IL1RAPL1: variants seen among roughly 807,000 people sequenced by gnomAD.
IL1RAPL1 encodes the protein interleukin 1 receptor accessory protein like 1.
In IL1RAPL1, 3 loss-of-function variants were observed where a neutral mutation model predicts 48.4. The observed-to-expected ratio is 0.06, with a 90% CI of 0.03 to 0.16. IL1RAPL1 has a LOEUF of 0.16. IL1RAPL1 is among the 10% of genes least tolerant of loss of function. The pLI is 1.00. For missense variants in IL1RAPL1, 349 were observed against 530.6 expected, an observed-to-expected ratio of 0.66 and a Z score of 3.36; for synonymous variants, 185 against 187.7, an observed-to-expected ratio of 0.99 and a Z score of 0.12.
At chrX:28,965,251 T>C (rs1432025705) in intron 2 of IL1RAPL1, among the ~76,000 whole-genome samples, 3 of 111,544 alleles carry the variant, frequency 2.7e-5, no homozygotes, top group African/African-American at 9.7e-5. Context: ...TTAATGTGCA[T>C]ATGAGTAAGT....
chrX:28,759,179 A>G (rs1250742636), intron 1 of IL1RAPL1, among the ~76,000 whole-genome samples: 1 of 110,759 alleles, frequency 9.0e-6, no homozygotes, highest in Non-Finnish European at 1.9e-5. Context: ...CGGAAGTTGC[A>G]GTGAGGTGAG....
At position 29,372,158 on chromosome X, in the gene IL1RAPL1, G is replaced by T. The variant is rs190601133; in HGVS notation, c.363-24100G>T. Among the ~76,000 whole-genome samples, 689 of 112,067 alleles carry T rather than the reference G, an allele frequency of 6.1e-3. 5 individuals are homozygous for T. The highest frequency in any genetic ancestry group is 0.021 in the African/African-American group (660 of 30,840). ...TGGTATTTCATTGTGGCTTTGATTT[G>T]CATTTCTCTGATAATTAGTGATGAT... is the stretch of plus-strand genomic sequence containing the variant. On this transcript the variant is annotated intron_variant, in intron 3 of 10. Transcript: ENST00000378993.
chrX:29,707,940 T>TAATAAAATAA lies in IL1RAPL1; in HGVS notation c.778+39458_778+39467dup, dbSNP rs200789169. On this transcript the variant is annotated intron_variant, in intron 6 of 10. Coordinates refer to ENST00000378993, the MANE Select transcript of IL1RAPL1 (RefSeq NM_014271.4). ...CCTGTTCCCCAGAAACCTATTGAAA[T>TAATAAAATAA]AATAAAATAAAATAAAATAAAATAA... 3.8e-4 allele frequency among the ~76,000 whole-genome samples: 41 copies of TAATAAAATAA among 107,950 alleles called. 1 individual carries two copies. The East Asian group carries it at 0.011, about 28-fold the overall frequency. The allele number at this position is 107,950 out of a possible 115,157, so 93.7% of individuals were successfully genotyped here.
chrX:28,805,477 C>T (rs1936720155), intron 2 of IL1RAPL1, among the ~76,000 whole-genome samples: 1 of 111,374 alleles, frequency 9.0e-6, no homozygotes, highest in African/African-American at 3.3e-5. Context: ...ATGTCTTCTA[C>T]CCTTGTGCCT....
chrX:29,694,128 A>G (rs1926847770), intron 6 of IL1RAPL1, among the ~76,000 whole-genome samples: 1 of 111,785 alleles, frequency 8.9e-6, no homozygotes, highest in African/African-American at 3.2e-5. Context: ...CTGTTGTGTC[A>G]TCTCTTTGGT....
At chrX:28,921,643 A>G (rs1201917615) in intron 2 of IL1RAPL1, among the ~76,000 whole-genome samples, 1 of 111,961 alleles carries the variant, frequency 8.9e-6, no homozygotes, top group Non-Finnish European at 1.9e-5. Context: ...GTTGGGGGAA[A>G]GAGGAAGTGA....
intron 5 of IL1RAPL1, among the ~76,000 whole-genome samples, chrX:29,486,820 A>C (rs1935102054): frequency 9.0e-6 from 1 of 110,695 alleles, no homozygotes; most frequent in Admixed American, 9.6e-5. Context: ...AATCTCATGA[A>C]ATTTTTAGAA....
chrX:29,537,936 C>G (rs1438360339), intron 5 of IL1RAPL1, among the ~76,000 whole-genome samples: 1 of 111,394 alleles, frequency 9.0e-6, no homozygotes, highest in Non-Finnish European at 1.9e-5. Flanking sequence ...AACATGTAAA[C>G]TGACCATTAA....
chrX:29,001,086 C>A (rs376827351), intron 2 of IL1RAPL1, among the ~76,000 whole-genome samples: 1 of 111,063 alleles, frequency 9.0e-6, no homozygotes, highest in Non-Finnish European at 1.9e-5. Context: ...CATTTATCTT[C>A]ATTTACCCTG....
At chrX:29,678,858 A>G (rs1166225611) in intron 6 of IL1RAPL1, among the ~76,000 whole-genome samples, 1 of 110,622 alleles carries the variant, frequency 9.0e-6, no homozygotes, top group Non-Finnish European at 1.9e-5. Context: ...GATACCTCCC[A>G]CCGCTAGATC....
At chrX:29,876,191 C>T (rs1476358116) in intron 6 of IL1RAPL1, among the ~76,000 whole-genome samples, 1 of 110,857 alleles carries the variant, frequency 9.0e-6, no homozygotes, top group Non-Finnish European at 1.9e-5. Context: ...AGTTTGTATG[C>T]CAAAAAAAAT....
At chrX:28,773,800 C>G (rs970358874) in intron 1 of IL1RAPL1, among the ~76,000 whole-genome samples, 1 of 111,995 alleles carries the variant, frequency 8.9e-6, no homozygotes, top group Non-Finnish European at 1.9e-5. Flanking sequence ...TCCCCTCATG[C>G]TATGGCCCTA....
rs943722772 is a variant in IL1RAPL1, at chrX:29,621,087, C to G, written c.704-47343C>G. On this transcript the variant is annotated intron_variant, in intron 5 of 10. Coordinates refer to ENST00000378993, the MANE Select transcript of IL1RAPL1 (RefSeq NM_014271.4). ...CTTACAGTGGATGTTAAGAACATAT[C>G]TTAGTAATTTAAAATTTTTCTTAAT... Among the ~76,000 whole-genome samples the G allele has an allele frequency of 5.6e-4, 63 of 111,894 alleles. 1 individual carries two copies. The highest frequency in any genetic ancestry group is 4.5e-4 in the Non-Finnish European group (24 of 53,090).
At chrX:29,003,101 G>C (rs1163474806) in intron 2 of IL1RAPL1, among the ~76,000 whole-genome samples, 1 of 111,292 alleles carries the variant, frequency 9.0e-6, no homozygotes. Context: ...TGTTAAAAAG[G>C]AGTTTCCTGG....
intron 1 of IL1RAPL1, among the ~76,000 whole-genome samples, chrX:28,753,639 T>C (rs1026309365): frequency 1.8e-5 from 2 of 112,527 alleles, no homozygotes; most frequent in African/African-American, 6.4e-5. Flanking sequence ...CTTTGCTTTC[T>C]AGTAGCTTCC....
intron 5 of IL1RAPL1, among the ~76,000 whole-genome samples, chrX:29,558,398 G>T (rs1922076320): frequency 9.0e-6 from 1 of 111,554 alleles, no homozygotes; most frequent in Non-Finnish European, 1.9e-5. Context: ...GTTGTTGTTT[G>T]CTATTGAGTT....
At chrX:29,451,870 A>T (rs1359704611) in intron 5 of IL1RAPL1, among the ~76,000 whole-genome samples, 1 of 111,891 alleles carries the variant, frequency 8.9e-6, no homozygotes, top group Non-Finnish European at 1.9e-5. Context: ...TTTAAATATG[A>T]TTTTTCCCAG....
At chrX:29,236,408 A>G (rs963318179) in intron 2 of IL1RAPL1, among the ~76,000 whole-genome samples, 8 of 110,684 alleles carry the variant, frequency 7.2e-5, no homozygotes, top group Admixed American at 1.9e-4. Flanking sequence ...TTGACTGGCT[A>G]TACTTTGTGC....
At chrX:29,410,259 G>A (rs28546393) in intron 5 of IL1RAPL1, among the ~76,000 whole-genome samples, 41,745 of 108,897 alleles carry the variant, frequency 0.38, 6,620 homozygotes, top group Middle Eastern at 0.55. Context: ...TCAAGAGATC[G>A]AGACCATCCT....
Sources: allele counts gnomAD v4.1 joint callset (sites outside exome capture counted in the v4.1 genomes callset), GRCh38; gene constraint gnomAD v4.1.1; transcripts MANE v1.5; gene names NCBI Gene and HGNC (gene_info 2026-07-23, HGNC 2026-07-21).